Variants in FMN1 observed in about 807,000 individuals in gnomAD.
FMN1 encodes the protein formin-1.
Under a neutral mutation model 132.4 loss-of-function variants are expected in FMN1, and 110 were observed. The observed-to-expected ratio is 0.83, with a 90% CI of 0.71 to 0.97. FMN1 has a LOEUF of 0.97. FMN1 is among the 50% of genes least tolerant of loss of function. The pLI, the probability that FMN1 is intolerant of heterozygous loss-of-function variation, is 0.00. For synonymous variants in FMN1, 722 were observed against 651.7 expected (o/e 1.11, Z -1.64); for missense variants, 1,792 against 1,705.3 (o/e 1.05, Z -0.90).
intron 12 of FMN1, among the ~76,000 whole-genome samples, chr15:32,902,773 T>G (rs1353107610): frequency 6.6e-6 from 1 of 152,190 alleles, no homozygotes; most frequent in Non-Finnish European, 1.5e-5. Flanking sequence ...TTGTTCCCTT[T>G]GCAAAACTAA....
intron 6 of FMN1, among the ~76,000 whole-genome samples, chr15:33,018,007 G>C (rs1162750628): frequency 2.0e-5 from 3 of 151,272 alleles, no homozygotes; most frequent in Non-Finnish European, 4.4e-5. Flanking sequence ...GGAGGTTGCA[G>C]TGAGCCGAGA....
chr15:32,817,424 G>T (rs1489906808), intron 17 of FMN1, among the ~76,000 whole-genome samples: 2 of 152,130 alleles, frequency 1.3e-5, no homozygotes, highest in Non-Finnish European at 2.9e-5. Context: ...TTGGTCAAGG[G>T]TTTGTCATAG....
intron 4 of FMN1, among the ~76,000 whole-genome samples, chr15:33,108,431 A>C (rs796609422): frequency 1.3e-5 from 2 of 152,030 alleles, no homozygotes; most frequent in Admixed American, 1.3e-4. Context: ...AATACATTCA[A>C]AATAGTATTA....
chr15:32,890,163 A>G (rs546876576), intron 15 of FMN1, among the ~76,000 whole-genome samples: 1 of 151,718 alleles, frequency 6.6e-6, no homozygotes, highest in Non-Finnish European at 1.5e-5. Flanking sequence ...TTCTTTAATC[A>G]CTCTTTGACT....
At chr15:33,191,590 T>C (rs1402104684) in intron 2 of FMN1, among the ~76,000 whole-genome samples, 1 of 152,240 alleles carries the variant, frequency 6.6e-6, no homozygotes, top group African/African-American at 2.4e-5. Flanking sequence ...GATTGTTTAC[T>C]TTTAGCCAGG....
chr15:32,858,791 T>C (rs867216426), intron 16 of FMN1, among the ~76,000 whole-genome samples: 2 of 152,232 alleles, frequency 1.3e-5, no homozygotes, highest in South Asian at 2.1e-4. Flanking sequence ...TTTTTTCCTT[T>C]CTTTGTAAGC....
chr15:33,164,535 A>T (rs1965021338), intron 3 of FMN1, among the ~76,000 whole-genome samples: 1 of 152,342 alleles, frequency 6.6e-6, no homozygotes, highest in African/African-American at 2.4e-5. Flanking sequence ...AGATACCCAG[A>T]TATGTTAACA....
chr15:32,880,498 T>G (rs1490987208), intron 16 of FMN1, among the ~76,000 whole-genome samples: 1 of 152,200 alleles, frequency 6.6e-6, no homozygotes, highest in Non-Finnish European at 1.5e-5. Context: ...CATCCTGGGC[T>G]TTTTCTCTGT....
At chr15:33,175,153 G>A (rs1054429155) in intron 3 of FMN1, among the ~76,000 whole-genome samples, 3 of 152,042 alleles carry the variant, frequency 2.0e-5, no homozygotes, top group Non-Finnish European at 4.4e-5. Context: ...AGGCTCCCAA[G>A]TAGCTGGGAC....
At chr15:32,779,301 G>GTAC (rs2056588139) in intron 19 of FMN1, among the ~76,000 whole-genome samples, 1 of 152,140 alleles carries the variant, frequency 6.6e-6, no homozygotes, top group African/African-American at 2.4e-5. Context: ...TTAAAAGGGT[G>GTAC]AATTTTATGA....
rs1015463511 is a variant in FMN1, at chr15:32,771,810, T to C, written c.*2500A>G. On this transcript the variant is annotated 3_prime_UTR_variant, in exon 21 of 21. Transcript: ENST00000616417. The stretch of plus-strand genomic sequence containing the variant: ...TTTTAGAGGGATCATTTTCAAGGCC[T>C]CCAGATTATTTTAGATGAACTTCCT... 2.0e-5 allele frequency: 3 copies of C among 152,222 alleles called. No homozygotes were observed. Among genetic ancestry groups the C allele is most frequent in the African/African-American group, 7.2e-5 (3 of 41,442 alleles). The allele number at this position is 152,222 out of a possible 1,614,324, so 9.4% of individuals were successfully genotyped here. A position where few individuals can be genotyped will look rare whatever the true frequency, so the allele number is the denominator to read the frequency against.
intron 6 of FMN1, among the ~76,000 whole-genome samples, chr15:33,027,307 A>G (rs1375141747): frequency 6.6e-6 from 1 of 151,404 alleles, no homozygotes; most frequent in Non-Finnish European, 1.5e-5. Flanking sequence ...AGTTAAATGT[A>G]AACTTCAGAA....
At chr15:32,885,231 C>A (rs2059867658) in intron 16 of FMN1, among the ~76,000 whole-genome samples, 1 of 152,206 alleles carries the variant, frequency 6.6e-6, no homozygotes, top group Non-Finnish European at 1.5e-5. Context: ...AAAGCAAGTT[C>A]CTTCCTGTGA....
intron 5 of FMN1, among the ~76,000 whole-genome samples, chr15:33,082,092 AATGTGTGTGTGTGTGTGT>A (rs1282844850): frequency 3.4e-5 from 3 of 87,920 alleles, no homozygotes; most frequent in African/African-American, 7.8e-5. Context: ...GCTGGAAAAC[AATGTGTGTGTGTGTGTGT>A]GTGTGTGTGT....
intron 2 of FMN1, among the ~76,000 whole-genome samples, chr15:33,184,469 T>C (rs1156871612): frequency 1.3e-5 from 2 of 151,912 alleles, no homozygotes; most frequent in South Asian, 2.1e-4. Flanking sequence ...CATAAGTAAA[T>C]TTCTTCCCTT....
chr15:33,018,783 T>C (rs1210999756), intron 6 of FMN1, among the ~76,000 whole-genome samples: 1 of 152,154 alleles, frequency 6.6e-6, no homozygotes, highest in African/African-American at 2.4e-5. Context: ...GTTTCTCCCT[T>C]CTGGTGGGCT....
chr15:33,018,088 A>G (rs8037308), intron 6 of FMN1, among the ~76,000 whole-genome samples: 95 of 151,480 alleles, frequency 6.3e-4, no homozygotes, highest in Admixed American at 2.0e-3. Context: ...AAAAAAATTT[A>G]TATGTTAAAA....
chr15:32,825,942 T>C (rs547352446), intron 17 of FMN1, among the ~76,000 whole-genome samples: 10 of 152,222 alleles, frequency 6.6e-5, no homozygotes, highest in Non-Finnish European at 1.0e-4. Flanking sequence ...AGACCTGACA[T>C]ATAAAATCAG....
chr15:32,804,149 A>G, intron 18 of FMN1, 132 bp downstream of exon 18: 1 of 667,562 alleles, frequency 1.5e-6, no homozygotes, highest in Admixed American at 2.9e-5. Flanking sequence ...TTTAAAGGGT[A>G]TAAAGTTTCA....
Sources: gnomAD v4.1 joint callset for allele counts (sites outside exome capture counted in the v4.1 genomes callset) on GRCh38, gnomAD v4.1.1 for gene constraint, MANE v1.5 for transcripts, NCBI Gene and HGNC (gene_info 2026-07-23, HGNC 2026-07-21) for gene names.